The following CTNNA3 variants were observed in gnomAD, a reference collection of about 807,000 sequenced individuals.
CTNNA3 encodes the protein catenin alpha 3.
CTNNA3 carries 76 observed loss-of-function variants against 95.7 expected under a neutral mutation model. The observed-to-expected ratio is 0.79, with a 90% CI of 0.66 to 0.96. CTNNA3 has a LOEUF of 0.96. Ranked by LOEUF, CTNNA3 falls within the 40% of genes least tolerant of loss-of-function variation. The pLI, the probability that CTNNA3 is intolerant of heterozygous loss-of-function variation, is 0.00. For missense variants in CTNNA3, 1,191 were observed against 1,089.8 expected (o/e 1.09, Z -1.31); for synonymous variants, 431 against 374.4 (o/e 1.15, Z -1.74).
chr10:67,753,661 G>T (rs138146404), intron 1 of CTNNA3, among the ~76,000 whole-genome samples: 2 of 152,080 alleles, frequency 1.3e-5, no homozygotes, highest in Non-Finnish European at 2.9e-5. Context: ...CAAAGGACGT[G>T]AACAGACACT....
At chr10:67,074,505 C>T (rs1024703997) in intron 7 of CTNNA3, among the ~76,000 whole-genome samples, 6 of 151,952 alleles carry the variant, frequency 3.9e-5, no homozygotes, top group East Asian at 2.0e-4. Context: ...CGCCCACCAC[C>T]ACGCCCGGCT....
intron 9 of CTNNA3, among the ~76,000 whole-genome samples, chr10:66,707,306 G>A (rs922963165): frequency 1.3e-5 from 2 of 151,976 alleles, no homozygotes; most frequent in Admixed American, 1.3e-4. Flanking sequence ...TATAGAGAAA[G>A]AACAGCTTAT....
intron 1 of CTNNA3, among the ~76,000 whole-genome samples, chr10:67,755,819 AAAAGAAAG>A (rs755236317): frequency 6.9e-6 from 1 of 145,154 alleles, no homozygotes; most frequent in Non-Finnish European, 1.5e-5. Flanking sequence ...AAAAAAAAAA[AAAAGAAAG>A]AAAGAAAGAA....
intron 1 of CTNNA3, among the ~76,000 whole-genome samples, chr10:67,651,130 A>T (rs539992937): frequency 1.4e-5 from 2 of 147,022 alleles, no homozygotes; most frequent in East Asian, 2.0e-4. Flanking sequence ...TATTTAATTT[A>T]AAAAAAAAAA....
chr10:66,390,405 G>A (rs1478391685), intron 11 of CTNNA3, among the ~76,000 whole-genome samples: 3 of 152,048 alleles, frequency 2.0e-5, no homozygotes, highest in Admixed American at 6.6e-5. Flanking sequence ...GAGAAGGGAA[G>A]AAGAGAGAAA....
At chr10:67,682,807 A>C (rs2133571547) in intron 1 of CTNNA3, among the ~76,000 whole-genome samples, 1 of 152,352 alleles carries the variant, frequency 6.6e-6, no homozygotes, top group East Asian at 1.9e-4. Flanking sequence ...CAGGACAAAC[A>C]AACAACAAAT....
At position 67,241,476 on chromosome 10, in the gene CTNNA3, T is replaced by C. The variant is rs144001315; in HGVS notation, c.580-21606A>G. On this transcript the variant is annotated intron_variant, in intron 5 of 17. Transcript: ENST00000433211. ...TTTTCCTCTAAAGCATAATTAACAA[T>C]TATAAAAGTAAAGTTGAATTTTTTA... Among the ~76,000 whole-genome samples, 31 of 152,152 alleles carry C rather than the reference T, an allele frequency of 2.0e-4. No individual in the cohort carries two copies. The East Asian group carries it at 6.0e-3, about 29-fold the overall frequency.
At chr10:67,456,493 G>C (rs1411625402) in intron 5 of CTNNA3, among the ~76,000 whole-genome samples, 1 of 152,058 alleles carries the variant, frequency 6.6e-6, no homozygotes, top group Non-Finnish European at 1.5e-5. Flanking sequence ...CATTAAACTT[G>C]GGCTTCAACT....
Position 67,301,978 on chromosome 10 carries a change from AGAAAGAAAGAAAGAACGAAAGAAC to A in CTNNA3, c.580-82132_580-82109del, listed in dbSNP as rs1265915010. On this transcript the variant is annotated intron_variant, in intron 5 of 17. Coordinates refer to ENST00000433211, the MANE Select transcript of CTNNA3 (RefSeq NM_013266.4). ...AGCGAGACTCGTCAAGAAAGAAAAA[AGAAAGAAAGAAAGAACGAAAGAAC>A]GAAAGAAAGAAAGAAAGAAAGAAAG... is the stretch of plus-strand genomic sequence containing the variant. Among the ~76,000 whole-genome samples the A allele has an allele frequency of 1.5e-4, 14 of 95,594 alleles. 1 individual carries two copies. The highest frequency in any genetic ancestry group is 4.4e-4 in the South Asian group (1 of 2,298). The allele number at this position is 95,594 out of a possible 152,430, so 62.7% of individuals were successfully genotyped here.
At chr10:66,021,424 T>G (rs2079204777) in intron 15 of CTNNA3, among the ~76,000 whole-genome samples, 2 of 152,302 alleles carry the variant, frequency 1.3e-5, no homozygotes, top group South Asian at 4.1e-4. Flanking sequence ...TCTTTGTTAT[T>G]TAAAATGTGA....
At chr10:66,874,805 T>G (rs1407434939) in intron 7 of CTNNA3, among the ~76,000 whole-genome samples, 1 of 152,206 alleles carries the variant, frequency 6.6e-6, no homozygotes, top group Non-Finnish European at 1.5e-5. Flanking sequence ...TACACATTTC[T>G]TTACCTGCTG....
intron 7 of CTNNA3, among the ~76,000 whole-genome samples, chr10:67,012,116 G>GC (rs1476524966): frequency 6.6e-6 from 1 of 152,182 alleles, no homozygotes; most frequent in Admixed American, 6.5e-5. Flanking sequence ...TCTGGCTCTG[G>GC]AGTCTACATT....
intron 15 of CTNNA3, among the ~76,000 whole-genome samples, chr10:65,998,702 T>C (rs1037097518): frequency 1.1e-4 from 16 of 152,198 alleles, no homozygotes; most frequent in African/African-American, 3.9e-4. Context: ...GAAAACAATC[T>C]TGGTGCATGT....
chr10:66,785,585 A>G (rs1222621229), intron 7 of CTNNA3, among the ~76,000 whole-genome samples: 1 of 152,090 alleles, frequency 6.6e-6, no homozygotes, highest in East Asian at 1.9e-4. Context: ...TTAACCTTGT[A>G]CTAAGCCTTT....
chr10:66,720,631 G>A (rs1380101672), intron 9 of CTNNA3, among the ~76,000 whole-genome samples: 4 of 152,052 alleles, frequency 2.6e-5, no homozygotes, highest in Admixed American at 6.6e-5. Context: ...TCAGGAGTTC[G>A]AGATCTGCCT....
At chr10:66,156,106 T>C (rs2084493866) in intron 13 of CTNNA3, among the ~76,000 whole-genome samples, 2 of 151,904 alleles carry the variant, frequency 1.3e-5, no homozygotes, top group Admixed American at 6.6e-5. Context: ...GCTGAAACTC[T>C]GAAAGGTAGA....
rs1259523753 is a variant in CTNNA3, at chr10:67,726,631, TTA to T, written c.-2+36801_-2+36802del. 1.4e-3 allele frequency among the ~76,000 whole-genome samples: 8 copies of T among 5,750 alleles called. 1 individual carries two copies. The highest frequency in any genetic ancestry group is 0.011 in the South Asian group (3 of 268). 3.8% of individuals were successfully genotyped at this position (5,750 alleles called of 152,430 possible). A position where few individuals can be genotyped will look rare whatever the true frequency, so the allele number is the denominator to read the frequency against. On this transcript the variant is annotated intron_variant, in intron 1 of 17. Coordinates refer to the CTNNA3 transcript ENST00000684154. ...TATATAATATATAATATATATTATA[TTA>T]TATATAATATATACTATAATATATT...
At chr10:67,010,306 C>G (rs1262730853) in intron 7 of CTNNA3, among the ~76,000 whole-genome samples, 1 of 152,088 alleles carries the variant, frequency 6.6e-6, no homozygotes, top group Non-Finnish European at 1.5e-5. Context: ...TTAGAATAAT[C>G]TTTGGATACA....
intron 5 of CTNNA3, among the ~76,000 whole-genome samples, chr10:67,333,680 G>C (rs748779798): frequency 1.3e-5 from 2 of 152,180 alleles, no homozygotes; most frequent in Admixed American, 1.3e-4. Context: ...ACATGATGGA[G>C]TAAAAAGAAC....
Sources: allele counts gnomAD v4.1 joint callset (sites outside exome capture counted in the v4.1 genomes callset), GRCh38; gene constraint gnomAD v4.1.1; transcripts MANE v1.5; gene names NCBI Gene and HGNC (gene_info 2026-07-23, HGNC 2026-07-21).